BDP1: variants seen among roughly 807,000 people sequenced by gnomAD.
The protein encoded by BDP1 is transcription factor TFIIIB component B'' homolog.
In BDP1, 169 loss-of-function variants were observed where a neutral mutation model predicts 266.6. That is an observed-to-expected ratio of 0.63 (90% CI 0.56 to 0.72). The LOEUF (loss-of-function observed/expected upper bound fraction) is 0.72. BDP1 is among the 30% of genes least tolerant of loss of function. The pLI is 0.00. For synonymous variants in BDP1, 1,090 were observed against 1,022.4 expected (o/e 1.07, Z -1.26); for missense variants, 3,015 against 3,053.8 (o/e 0.99, Z 0.30).
intron 29 of BDP1, among the ~76,000 whole-genome samples, 190 bp downstream of exon 29, chr5:71,541,872 C>T (rs1766989777): frequency 6.6e-6 from 1 of 152,266 alleles, no homozygotes; most frequent in South Asian, 2.1e-4. Context: ...ATCTTTGAAG[C>T]TTTAATGAAA....
downstream of BDP1, among the ~76,000 whole-genome samples, chr5:71,570,042 G>A (rs1039426566): frequency 2.0e-5 from 3 of 152,128 alleles, no homozygotes; most frequent in South Asian, 2.1e-4. Context: ...ATGGGTTAAG[G>A]AAACTGTGTG....
the BDP1 span, among the ~76,000 whole-genome samples, chr5:71,575,776 C>T: frequency 1.3e-5 from 2 of 152,168 alleles, no homozygotes; most frequent in East Asian, 1.9e-4. Flanking sequence ...AACAGTCCTA[C>T]GCTATGTCAG....
chr5:71,515,816 C>T (rs1345674478), intron 20 of BDP1, among the ~76,000 whole-genome samples: 1 of 152,116 alleles, frequency 6.6e-6, no homozygotes, highest in East Asian at 1.9e-4. Flanking sequence ...CTCCTGGCAA[C>T]CACCATTCTA....
chr5:71,489,150 C>G (rs1050765978), intron 9 of BDP1, among the ~76,000 whole-genome samples: 3 of 152,056 alleles, frequency 2.0e-5, no homozygotes, highest in African/African-American at 7.2e-5. Context: ...TCTTGTTCTG[C>G]TTGGTTTTTT....
At chr5:71,542,652 C>T (rs967970880) in intron 30 of BDP1, among the ~76,000 whole-genome samples, 4 of 151,682 alleles carry the variant, frequency 2.6e-5, no homozygotes, top group Middle Eastern at 3.4e-3. Context: ...CCCAAGAGTT[C>T]GAGGCCAGCC....
chr5:71,502,647 A>G lies in BDP1; in HGVS notation c.2097A>G (p.Leu699=), dbSNP rs936078793. The G allele has an allele frequency of 6.2e-7, 1 of 1,613,768 alleles. No homozygotes were observed. The highest frequency in any genetic ancestry group is 8.5e-7 in the Non-Finnish European group (1 of 1,179,930). The part of the protein sequence containing the change: ...CLQEGSQLKA[L]RPVQVRGRLQ... ...AGGAAGGGAGTCAACTAAAGGCTTT[A>G]AGACCTGTACAAGTGAGGGGCCGAT... Residue 699 remains leucine (L), a synonymous_variant, in exon 15 of 39, where the codon TTA becomes TTG. Coordinates refer to ENST00000358731, the MANE Select transcript of BDP1 (RefSeq NM_018429.3).
chr5:71,464,996 T>C (rs1276122079), intron 4 of BDP1, among the ~76,000 whole-genome samples: 1 of 151,884 alleles, frequency 6.6e-6, no homozygotes, highest in Non-Finnish European at 1.5e-5. Flanking sequence ...GGATTACAGG[T>C]GTAAGCCACC....
Position 71,522,931 on chromosome 5 carries a change from A to G in BDP1, c.5369A>G (p.Tyr1790Cys), listed in dbSNP as rs1447600613. 1.3e-6 allele frequency: 2 copies of G among 1,592,490 alleles called. No individual in the cohort carries two copies. Among genetic ancestry groups the G allele is most frequent in the South Asian group, 1.2e-5 (1 of 85,858 alleles). The part of the protein sequence containing the change: ...NSPSSVVEEQ[Y>C]LNKLTSCPQP... ...CCATCTTCAGTTGTTGAAGAGCAATATCTCAATAAACTAACAAGGTAACAT... is the reference window on the plus strand; with the variant it reads ...CCATCTTCAGTTGTTGAAGAGCAATGTCTCAATAAACTAACAAGGTAACAT... The change falls in exon 24 of 39, where the codon TAT becomes TGT. Residue 1790 changes from tyrosine to cysteine, a missense_variant. This residue lies in a region of BDP1 where 2,383 missense variants were observed against 2,404.9 expected (regional missense o/e 0.99). Transcript: ENST00000358731.
At chr5:71,499,776 TTTTG>T (rs763923966) in intron 13 of BDP1, among the ~76,000 whole-genome samples, 3 of 152,216 alleles carry the variant, frequency 2.0e-5, no homozygotes, top group Non-Finnish European at 2.9e-5. Context: ...TTGTTTCTAT[TTTTG>T]TTTGTTTTTT....
intron 37 of BDP1, among the ~76,000 whole-genome samples, 181 bp from the exon 38 acceptor site, chr5:71,562,093 G>A (rs1743697769): frequency 6.6e-6 from 1 of 151,258 alleles, no homozygotes; most frequent in Admixed American, 6.6e-5. Flanking sequence ...AGCTACTTGG[G>A]AGGCTGAAGC....
Position 71,489,492 on chromosome 5 carries a change from T to C in BDP1, c.1302T>C (p.Asp434=). 1.2e-6 allele frequency: 2 copies of C among 1,614,104 alleles called. No homozygotes were observed. The highest frequency in any genetic ancestry group is 1.7e-6 in the Non-Finnish European group (2 of 1,179,976). Residue 434 remains aspartate (D), a synonymous_variant, in exon 10 of 39, where the codon GAT becomes GAC. Transcript: ENST00000358731. ...CAGACACGGAAAGATCTCAGAAGGA[T>C]GCTCAGACAGTTGAAGAAGAGTCTC... is the stretch of plus-strand genomic sequence containing the variant. ...RISDTERSQK[D]AQTVEEESLT...
At chr5:71,571,187 T>C (rs2112183974), downstream of BDP1, among the ~76,000 whole-genome samples, 1 of 152,290 alleles carries the variant, frequency 6.6e-6, no homozygotes, top group Admixed American at 6.5e-5. Flanking sequence ...CCCTGTTACC[T>C]AGGCTGGAGG....
At chr5:71,501,743 T>G in intron 14 of BDP1, 90 bp downstream of exon 14, 2 of 794,250 alleles carry the variant, frequency 2.5e-6, no homozygotes, top group Non-Finnish European at 4.1e-6. Context: ...TAATAAGGTC[T>G]GAATTTAATT....
intron 7 of BDP1, chr5:71,476,193 A>C (rs1187331271): frequency 2.0e-5 from 3 of 153,382 alleles, no homozygotes; most frequent in Non-Finnish European, 4.4e-5. Context: ...ACATCTTGTG[A>C]AGTGTTAAAA....
rs370605242 is a variant in BDP1, at chr5:71,491,706, CTTTGTTTTGT to C, written c.1640+594_1640+603del. Among the ~76,000 whole-genome samples, 154 of 152,020 alleles carry C rather than the reference CTTTGTTTTGT, an allele frequency of 1.0e-3. 1 individual carries two copies. Among genetic ancestry groups the C allele is most frequent in the African/African-American group, 2.5e-3 (102 of 41,470 alleles). Reference sequence around the variant, plus strand: ...CAGCCCTTGGCAATCATGATTCTTTCTTTGTTTTGTTTTGTTTTGTTTTGTTTTTGAGATG... The same window carrying C: ...CAGCCCTTGGCAATCATGATTCTTTCTTTGTTTTGTTTTGTTTTTGAGATG... On this transcript the variant is annotated intron_variant, in intron 11 of 38. Transcript: ENST00000358731.
chr5:71,510,644 G>A lies in BDP1; in HGVS notation c.3552G>A (p.Glu1184=), dbSNP rs1764863447. The part of the protein sequence containing the change: ...KTTGREGSSR[E]KTREVIDAAE... ...CTGGAAGAGAGGGTTCCTCAAGGGA[G>A]AAGACACGAGAGGTGATTGATGCTG... The change falls in exon 17 of 39, where the codon GAG becomes GAA. Residue 1184 remains glutamate, a synonymous_variant. Coordinates refer to ENST00000358731, the MANE Select transcript of BDP1 (RefSeq NM_018429.3). 9.5e-6 allele frequency: 15 copies of A among 1,585,918 alleles called. No individual in the cohort carries two copies. Among genetic ancestry groups the A allele is most frequent in the Non-Finnish European group, 1.3e-5 (15 of 1,162,646 alleles).
At chr5:71,498,528 A>G (rs1321653853) in intron 13 of BDP1, among the ~76,000 whole-genome samples, 5 of 151,346 alleles carry the variant, frequency 3.3e-5, no homozygotes, top group African/African-American at 9.7e-5. Context: ...GGTTCAAGCA[A>G]TTCTTCTGCC....
At chr5:71,458,089 A>C (rs1353239849) in intron 1 of BDP1, among the ~76,000 whole-genome samples, 2 of 152,222 alleles carry the variant, frequency 1.3e-5, no homozygotes, top group African/African-American at 4.8e-5. Flanking sequence ...ACTGCAATAC[A>C]GATATTTCAG....
intron 29 of BDP1, 127 bp downstream of exon 29, chr5:71,541,809 T>A: frequency 3.1e-6 from 2 of 635,266 alleles, no homozygotes; most frequent in Non-Finnish European, 5.1e-6. Context: ...TAGACTGATT[T>A]TGATTTTAGG....
Sources: gnomAD v4.1 joint callset for allele counts (sites outside exome capture counted in the v4.1 genomes callset) on GRCh38, gnomAD v4.1.1 for gene constraint, gnomAD v4.1.1 regional missense constraint, MANE v1.5 for transcripts, NCBI Gene and HGNC (gene_info 2026-07-23, HGNC 2026-07-21) for gene names.